UNC5C: variants seen among roughly 807,000 people sequenced by gnomAD.
The protein encoded by UNC5C is unc-5 netrin receptor C, also known as netrin receptor UNC5C.
In UNC5C, 47 loss-of-function variants were observed where a neutral mutation model predicts 99.8. The observed-to-expected ratio is 0.47, with a 90% CI of 0.37 to 0.60. UNC5C has a LOEUF of 0.60. Among genes scored for constraint, UNC5C ranks in the 20% least tolerant of loss-of-function variants. The pLI is 0.00. For missense variants in UNC5C, 1,062 were observed against 1,165.9 expected (o/e 0.91, Z 1.30); for synonymous variants, 487 against 452.2 (o/e 1.08, Z -0.98).
chr4:95,544,602 C>T (rs1043808055), intron 1 of UNC5C, among the ~76,000 whole-genome samples: 4 of 152,138 alleles, frequency 2.6e-5, no homozygotes, highest in African/African-American at 9.7e-5. Flanking sequence ...GGTTACATTC[C>T]GTTTCTAACA....
At position 95,169,226 on chromosome 4, in the gene UNC5C, C is replaced by T. The variant is rs747584020; in HGVS notation, c.*8G>A. The T allele has an allele frequency of 1.2e-6, 2 of 1,613,342 alleles. No homozygotes were observed. The highest frequency in any genetic ancestry group is 1.3e-5 in the African/African-American group (1 of 75,030). Reference sequence around the variant, plus strand: ...TTTTGTCCTTCATTTCCCCTTCCAGCATGGTGGTTAATACTGCCCTTCTGC... The same window carrying T: ...TTTTGTCCTTCATTTCCCCTTCCAGTATGGTGGTTAATACTGCCCTTCTGC... On this transcript the variant is annotated 3_prime_UTR_variant, in exon 16 of 16. Coordinates refer to ENST00000453304, the MANE Select transcript of UNC5C (RefSeq NM_003728.4).
intron 1 of UNC5C, among the ~76,000 whole-genome samples, chr4:95,341,525 G>C (rs994253312): frequency 1.4e-5 from 2 of 140,074 alleles, no homozygotes; most frequent in African/African-American, 5.3e-5. Flanking sequence ...AAGAAAGAAA[G>C]AAAAAAAGAA....
chr4:95,472,275 T>TA (rs1412787445), intron 1 of UNC5C, among the ~76,000 whole-genome samples: 1 of 152,158 alleles, frequency 6.6e-6, no homozygotes, highest in African/African-American at 2.4e-5. Context: ...GGAGAAGCCT[T>TA]TCATTTCACA....
At chr4:95,509,681 T>C (rs990653755) in intron 1 of UNC5C, among the ~76,000 whole-genome samples, 2 of 151,868 alleles carry the variant, frequency 1.3e-5, no homozygotes, top group African/African-American at 4.8e-5. Context: ...AAAATACATT[T>C]CGTGAAATGT....
At chr4:95,347,988 G>C (rs1362651428) in intron 1 of UNC5C, among the ~76,000 whole-genome samples, 3 of 152,028 alleles carry the variant, frequency 2.0e-5, no homozygotes, top group African/African-American at 7.2e-5. Flanking sequence ...CAGAATGATA[G>C]AAAACATTTG....
chr4:95,460,470 A>G (rs1747567746), intron 1 of UNC5C, among the ~76,000 whole-genome samples: 1 of 152,088 alleles, frequency 6.6e-6, no homozygotes, highest in Admixed American at 6.6e-5. Context: ...CTGGGAGATA[A>G]CTGAATACTG....
chr4:95,255,793 C>T (rs1739956110), intron 4 of UNC5C, among the ~76,000 whole-genome samples: 1 of 152,032 alleles, frequency 6.6e-6, no homozygotes, highest in Admixed American at 6.6e-5. Context: ...CCTTCTCACC[C>T]GTTTCTGCCT....
At chr4:95,262,351 G>C (rs1740272764) in intron 4 of UNC5C, among the ~76,000 whole-genome samples, 1 of 152,068 alleles carries the variant, frequency 6.6e-6, no homozygotes, top group African/African-American at 2.4e-5. Context: ...CAGAGTTGAG[G>C]GACACTGTTA....
intron 2 of UNC5C, among the ~76,000 whole-genome samples, chr4:95,305,426 G>T (rs1364790306): frequency 2.0e-5 from 3 of 152,126 alleles, no homozygotes; most frequent in Non-Finnish European, 4.4e-5. Context: ...TTTCAAATCT[G>T]CTTGAAGTCT....
rs571670901 is a variant in UNC5C at position 95,324,304 on chromosome 4, G to A, written c.346+11106C>T. On this transcript the variant is annotated intron_variant, in intron 2 of 15. Transcript: ENST00000453304. ...GGGATATAGGTTGCATGCGCCTTAT[G>A]AGAATCTAATGCCTGATGATCTGTC... Among the ~76,000 whole-genome samples, 932 of 152,282 alleles carry A rather than the reference G, an allele frequency of 6.1e-3. 5 individuals are homozygous for A. The highest frequency in any genetic ancestry group is 0.021 in the African/African-American group (868 of 41,574).
intron 1 of UNC5C, among the ~76,000 whole-genome samples, chr4:95,541,627 T>C (rs1722923210): frequency 6.6e-6 from 1 of 152,090 alleles, no homozygotes; most frequent in South Asian, 2.1e-4. Flanking sequence ...CTGTACTACA[T>C]ATTTATATTT....
At chr4:95,260,288 G>A (rs1479176375) in intron 4 of UNC5C, among the ~76,000 whole-genome samples, 1 of 152,156 alleles carries the variant, frequency 6.6e-6, no homozygotes, top group East Asian at 1.9e-4. Flanking sequence ...TCCTTCTGAA[G>A]GTTTTACGAT....
chr4:95,442,103 C>T (rs1203723215), intron 1 of UNC5C, among the ~76,000 whole-genome samples: 1 of 152,142 alleles, frequency 6.6e-6, no homozygotes, highest in African/African-American at 2.4e-5. Context: ...ACTCTCTTAA[C>T]AGTAGTAGCG....
At chr4:95,458,178 C>T (rs989956793) in intron 1 of UNC5C, among the ~76,000 whole-genome samples, 10 of 152,058 alleles carry the variant, frequency 6.6e-5, no homozygotes, top group Admixed American at 3.9e-4. Context: ...TATTTTTAGG[C>T]GTTTAGAAGT....
intron 1 of UNC5C, among the ~76,000 whole-genome samples, chr4:95,459,179 G>T (rs1157291185): frequency 1.3e-5 from 2 of 152,096 alleles, no homozygotes; most frequent in Non-Finnish European, 2.9e-5. Flanking sequence ...TACTACAGTG[G>T]TTCCAAATAT....
intron 3 of UNC5C, among the ~76,000 whole-genome samples, chr4:95,287,431 A>G (rs4699839): frequency 0.66 from 100,633 of 152,098 alleles, 34,327 homozygotes; most frequent in African/African-American, 0.84. Context: ...TTTCGGAACC[A>G]ATGTTGTCAT....
At chr4:95,191,894 T>C (rs1579215622) in intron 12 of UNC5C, among the ~76,000 whole-genome samples, 1 of 90,044 alleles carries the variant, frequency 1.1e-5, no homozygotes. Context: ...CCTCCCTTTC[T>C]CCCCTCCTCT....
At chr4:95,387,650 T>C (rs1745249381) in intron 1 of UNC5C, among the ~76,000 whole-genome samples, 1 of 152,248 alleles carries the variant, frequency 6.6e-6, no homozygotes, top group Non-Finnish European at 1.5e-5. Context: ...TCTGTGTTTC[T>C]ATGACTGCTG....
Position 95,548,893 on chromosome 4 carries a change from A to T in UNC5C, c.-36T>A. The T allele has an allele frequency of 6.2e-7, 1 of 1,606,768 alleles. No homozygotes were observed. Among genetic ancestry groups the T allele is most frequent in the East Asian group, 2.2e-5 (1 of 44,686 alleles). ...GGTGTGCCGGGGGGAGGGGAGGGGG[A>T]CAGAGAGACGCGCAAACAGCTGAAA... On this transcript the variant is annotated 5_prime_UTR_variant, in exon 1 of 16. Transcript: ENST00000453304.
Sources: allele counts gnomAD v4.1 joint callset (sites outside exome capture counted in the v4.1 genomes callset), GRCh38; gene constraint gnomAD v4.1.1; transcripts MANE v1.5; gene names NCBI Gene and HGNC (gene_info 2026-07-23, HGNC 2026-07-21).